PDZD9: variants seen among roughly 807,000 people sequenced by gnomAD.
The protein encoded by PDZD9 is PDZ domain-containing protein 9.
PDZD9 carries 13 observed loss-of-function variants against 16.3 expected under a neutral mutation model. That is an observed-to-expected ratio of 0.80 (90% CI 0.52 to 1.27). PDZD9 has a LOEUF of 1.27. Among genes scored for constraint, PDZD9 ranks in the 50% most tolerant of loss-of-function variants. PDZD9 has a pLI of 0.00. For synonymous variants in PDZD9, 120 were observed against 111.0 expected (o/e 1.08, Z -0.51); for missense variants, 288 against 310.9 (o/e 0.93, Z 0.55).
At chr16:21,995,531 T>TAAA (rs1899126693) in intron 2 of PDZD9, among the ~76,000 whole-genome samples, 2 of 152,144 alleles carry the variant, frequency 1.3e-5, no homozygotes, top group South Asian at 4.1e-4. Flanking sequence ...AATGAATTAA[T>TAAA]ATGCCCAACA....
At chr16:21,998,717 A>G (rs1899212357) in intron 1 of PDZD9, 1 of 137,772 alleles carries the variant, frequency 7.3e-6, no homozygotes, top group Non-Finnish European at 1.5e-5. Context: ...TTATCTGGGC[A>G]TGTTGGTGCA....
intron 3 of PDZD9, among the ~76,000 whole-genome samples, 169 bp downstream of exon 3, chr16:21,988,433 T>TC (rs1898935628): frequency 6.6e-6 from 1 of 152,160 alleles, no homozygotes. Flanking sequence ...CTTTCTCATA[T>TC]TAGATCCTAC....
chr16:21,972,073 C>G, the PDZD9 span: 1 of 1,613,928 alleles, frequency 6.2e-7, no homozygotes, highest in Non-Finnish European at 8.5e-7. Context: ...AGCAACACCA[C>G]CAGCCATCTG....
chr16:21,996,631 A>C, intron 1 of PDZD9, 130 bp from the exon 2 acceptor site: 4 of 930,856 alleles, frequency 4.3e-6, no homozygotes, highest in Non-Finnish European at 6.2e-6. Context: ...TTGTCAGTAA[A>C]ATGAGGATAA....
chr16:21,977,732 A>G, the PDZD9 span, among the ~76,000 whole-genome samples: 4 of 152,192 alleles, frequency 2.6e-5, no homozygotes, highest in African/African-American at 9.7e-5. Context: ...GAATCTTGCA[A>G]CTCCAGTGGT....
At chr16:21,962,496 G>A in the PDZD9 span, 1 of 1,614,136 alleles carries the variant, frequency 6.2e-7, no homozygotes, top group Non-Finnish European at 8.5e-7. Context: ...CTTATACTGT[G>A]GAATGCCTGC....
the PDZD9 span, among the ~76,000 whole-genome samples, chr16:21,964,963 C>T: frequency 1.3e-5 from 2 of 152,172 alleles, no homozygotes; most frequent in African/African-American, 4.8e-5. Flanking sequence ...AGTGGAAGCT[C>T]CCATTGGTCC....
At chr16:21,980,523 T>C (rs2141949249), downstream of PDZD9, 1 of 1,605,366 alleles carries the variant, frequency 6.2e-7, no homozygotes, top group Non-Finnish European at 8.5e-7. Flanking sequence ...TCTCTAAAAC[T>C]GACTTCTGCC....
chr16:22,000,434 G>A (rs1899264432), intron 1 of PDZD9, among the ~76,000 whole-genome samples: 1 of 151,992 alleles, frequency 6.6e-6, no homozygotes, highest in African/African-American at 2.4e-5. Flanking sequence ...CTGCAACTGG[G>A]CATTGCAAAG....
chr16:21,984,597 A>G lies in PDZD9; in HGVS notation c.465T>C (p.Asn155=), dbSNP rs773687343. 9 of 1,546,180 alleles carry G rather than the reference A, an allele frequency of 5.8e-6. No individual in the cohort carries two copies. The East Asian group carries it at 1.6e-4, about 28-fold the overall frequency. The change falls in exon 4 of 4, where the codon AAT becomes AAC. Residue 155 remains asparagine, a synonymous_variant. Coordinates refer to ENST00000424898, the MANE Select transcript of PDZD9 (RefSeq NM_001363519.1). The part of the protein sequence containing the change: ...ESFTSSDDNE[N]VDLDKRLQYY... Reference sequence around the variant, plus strand: ...ATTGAAGTCTTTTATCTAAATCTACATTTTCATTATCATCACTGCTTGTGA... The same window carrying G: ...ATTGAAGTCTTTTATCTAAATCTACGTTTTCATTATCATCACTGCTTGTGA...
downstream of PDZD9, chr16:21,983,223 A>G: frequency 2.0e-6 from 3 of 1,522,814 alleles, no homozygotes; most frequent in Non-Finnish European, 2.7e-6. Flanking sequence ...AGCCCAGAGC[A>G]GCAAACACAT....
chr16:21,975,636 T>C, the PDZD9 span, among the ~76,000 whole-genome samples: 2 of 152,240 alleles, frequency 1.3e-5, no homozygotes, highest in African/African-American at 4.8e-5. Context: ...AGATTCCTTC[T>C]TGACCCTGGC....
intron 1 of PDZD9, among the ~76,000 whole-genome samples, chr16:21,997,643 A>T (rs1352381607): frequency 6.6e-6 from 1 of 152,210 alleles, no homozygotes; most frequent in Non-Finnish European, 1.5e-5. Flanking sequence ...GGCCTTGGAG[A>T]CAAGGGGTAG....
At chr16:21,998,916 A>T (rs1899220516) in intron 1 of PDZD9, 1 of 226,354 alleles carries the variant, frequency 4.4e-6, no homozygotes, top group Non-Finnish European at 1.0e-5. Flanking sequence ...ACTCTGCTTC[A>T]TTTTGGAGAG....
chr16:21,988,386 A>C, intron 3 of PDZD9, among the ~76,000 whole-genome samples: 1 of 152,064 alleles, frequency 6.6e-6, no homozygotes, highest in East Asian at 1.9e-4. Context: ...TTCCCAACCG[A>C]TGACTTGTTT....
chr16:21,988,817 A>C (rs768101737), intron 2 of PDZD9, 26 bp from the exon 3 acceptor site: 4 of 1,557,380 alleles, frequency 2.6e-6, no homozygotes, highest in Non-Finnish European at 3.5e-6. Context: ...ATTATGTATC[A>C]GTAAAACTAG....
rs1007335767 is a variant in PDZD9, at chr16:21,983,907, C to CA, written c.*359dup. ...TTTAATTATAGTACTTGAAGTTTAC[C>CA]AAAAAAAAGAGAGAAACTAAATATT... On this transcript the variant is annotated 3_prime_UTR_variant, in exon 4 of 4. Coordinates refer to ENST00000424898, the MANE Select transcript of PDZD9 (RefSeq NM_001363519.1). 9 of 160,388 alleles carry CA rather than the reference C, an allele frequency of 5.6e-5. No individual in the cohort carries two copies. Among genetic ancestry groups the CA allele is most frequent in the Non-Finnish European group, 9.4e-5 (7 of 74,518 alleles). The allele number at this position is 160,388 out of a possible 1,614,324, so 9.9% of individuals were successfully genotyped here. A position where few individuals can be genotyped will look rare whatever the true frequency, so the allele number is the denominator to read the frequency against.
At chr16:21,988,265 C>A (rs751335674) in intron 3 of PDZD9, among the ~76,000 whole-genome samples, 1 of 152,088 alleles carries the variant, frequency 6.6e-6, no homozygotes, top group South Asian at 2.1e-4. Context: ...GCCTCAGCCT[C>A]CCAAAGTGCT....
Position 21,988,495 on chromosome 16 carries a change from C to T in PDZD9, c.401+107G>A. 5.4e-6 allele frequency: 5 copies of T among 927,096 alleles called. No individual in the cohort carries two copies. The South Asian group carries it at 9.0e-5, about 17-fold the overall frequency. The allele number at this position is 927,096 out of a possible 1,614,324, so 57.4% of individuals were successfully genotyped here. The stretch of plus-strand genomic sequence containing the variant: ...TTACTCTGACAGTGTCACCAGTCCT[C>T]CTGTCATGATCCTTATCATTTGATA... On this transcript the variant is annotated intron_variant, in intron 3 of 3. Transcript: ENST00000424898.
Sources: allele counts gnomAD v4.1 joint callset (sites outside exome capture counted in the v4.1 genomes callset), GRCh38; gene constraint gnomAD v4.1.1; transcripts MANE v1.5; gene names NCBI Gene and HGNC (gene_info 2026-07-23, HGNC 2026-07-21).